Variants in RCAN2 observed in about 807,000 individuals in gnomAD.
RCAN2 encodes the protein calcipressin-2.
In RCAN2, 9 loss-of-function variants were observed where a neutral mutation model predicts 23.6. That is an observed-to-expected ratio of 0.38 (90% confidence interval 0.23 to 0.67). The LOEUF is 0.67. Among genes scored for constraint, RCAN2 ranks in the 30% least tolerant of loss-of-function variants. The pLI, the probability that RCAN2 is intolerant of heterozygous loss-of-function variation, is 0.51. For synonymous variants in RCAN2, 109 were observed against 115.7 expected, an observed-to-expected ratio of 0.94 and a Z score of 0.37; for missense variants, 273 against 302.3, an observed-to-expected ratio of 0.90 and a Z score of 0.72.
rs369428602 is a variant in RCAN2 at position 46,489,058 on chromosome 6, A to C, written c.-3+2115T>G. Among the ~76,000 whole-genome samples, 44 of 152,350 alleles carry C rather than the reference A, an allele frequency of 2.9e-4. No individual in the cohort carries two copies. In the East Asian group the frequency reaches 6.6e-3, roughly 23 times the overall value. On this transcript the variant is annotated intron_variant, in intron 1 of 4. Transcript: ENST00000371374. ...CAGGGTATATTCACAATCCAGCTTC[A>C]GTGAAACCTTTCTAAACATTCCTGT...
At chr6:46,431,197 A>AT (rs202167268) in intron 2 of RCAN2, among the ~76,000 whole-genome samples, 2 of 149,426 alleles carry the variant, frequency 1.3e-5, no homozygotes, top group Non-Finnish European at 3.0e-5. Context: ...GAAGATTTGT[A>AT]TTTTTAAAAA....
At chr6:46,375,377 C>T (rs1323837272) in intron 2 of RCAN2, among the ~76,000 whole-genome samples, 1 of 152,202 alleles carries the variant, frequency 6.6e-6, no homozygotes, top group African/African-American at 2.4e-5. Context: ...AAATCCTACC[C>T]TCTTGCAGCA....
At chr6:46,352,934 G>A (rs896679668) in intron 2 of RCAN2, among the ~76,000 whole-genome samples, 2 of 152,156 alleles carry the variant, frequency 1.3e-5, no homozygotes, top group Non-Finnish European at 2.9e-5. Context: ...AGACAAGGAG[G>A]ATTTAACAAG....
chr6:46,401,448 C>A (rs1766245776), intron 2 of RCAN2, among the ~76,000 whole-genome samples: 1 of 152,084 alleles, frequency 6.6e-6, no homozygotes, highest in Admixed American at 6.5e-5. Context: ...ATAAATCCAT[C>A]CATCTTCAGA....
intron 2 of RCAN2, among the ~76,000 whole-genome samples, chr6:46,279,208 G>A (rs1265513511): frequency 6.6e-6 from 1 of 152,202 alleles, no homozygotes; most frequent in East Asian, 1.9e-4. Flanking sequence ...TTGCCAGCAA[G>A]AAGAGCTGTT....
chr6:46,451,253 T>C (rs981451557), intron 2 of RCAN2, among the ~76,000 whole-genome samples: 2 of 152,140 alleles, frequency 1.3e-5, no homozygotes, highest in African/African-American at 4.8e-5. Flanking sequence ...AGTGATATGT[T>C]TGGCATTCTG....
At chr6:46,243,546 C>T (rs1166052036) in intron 4 of RCAN2, among the ~76,000 whole-genome samples, 3 of 152,076 alleles carry the variant, frequency 2.0e-5, no homozygotes, top group Non-Finnish European at 4.4e-5. Context: ...CGCGGTGGCT[C>T]ATGTCTGGAA....
chr6:46,277,589 C>CT (rs5875956), intron 2 of RCAN2, among the ~76,000 whole-genome samples: 107,545 of 148,678 alleles, frequency 0.72, 39,673 homozygotes, highest in Non-Finnish European at 0.82. Context: ...CTTTTTAAAA[C>CT]TTTTTTTTTT....
Position 46,232,854 on chromosome 6 carries a change from A to G in RCAN2, c.572-9553T>C, listed in dbSNP as rs145332644. On this transcript the variant is annotated intron_variant, in intron 4 of 4. Coordinates refer to ENST00000371374, the MANE Select transcript of RCAN2 (RefSeq NM_001251974.2). ...GAAGCAAACCTGCAAATTCCGATTT[A>G]GTAGAATCTACATGTGTACCCATCA... 8.8e-3 allele frequency among the ~76,000 whole-genome samples: 1,320 copies of G among 150,110 alleles called. 6 individuals carry two copies. Among genetic ancestry groups the G allele is most frequent in the Non-Finnish European group, 0.014 (925 of 67,656 alleles).
intron 2 of RCAN2, among the ~76,000 whole-genome samples, chr6:46,386,365 A>T (rs1018573222): frequency 6.6e-6 from 1 of 151,924 alleles, no homozygotes; most frequent in Admixed American, 6.6e-5. Context: ...CTGAGAGGCC[A>T]AGGCGAGTGA....
intron 2 of RCAN2, among the ~76,000 whole-genome samples, chr6:46,333,329 CT>C (rs1764043644): frequency 6.6e-6 from 1 of 152,212 alleles, no homozygotes; most frequent in South Asian, 2.1e-4. Flanking sequence ...AAATGTGATG[CT>C]GGCGATCACA....
At chr6:46,325,492 A>G in intron 2 of RCAN2, 3 of 1,613,686 alleles carry the variant, frequency 1.9e-6, no homozygotes, top group Non-Finnish European at 2.5e-6. Flanking sequence ...CCCCTTCTGA[A>G]TTTTTAATAA....
In RCAN2 at chr6:46,222,167, T is replaced by C. The variant is rs1321639462; in HGVS notation, c.*974A>G. 2.5e-6 allele frequency: 1 copy of C among 394,324 alleles called. No individual in the cohort carries two copies. The highest frequency in any genetic ancestry group is 4.5e-6 in the Non-Finnish European group (1 of 223,634). 24.4% of individuals were successfully genotyped at this position (394,324 alleles called of 1,614,324 possible). Reference sequence around the variant, plus strand: ...AAATTCAGCATTATCCTTATTAGAGTGTAATATTATCAGAGTATCTGTATT... The same window carrying C: ...AAATTCAGCATTATCCTTATTAGAGCGTAATATTATCAGAGTATCTGTATT... On this transcript the variant is annotated 3_prime_UTR_variant, in exon 5 of 5. Transcript: ENST00000371374.
chr6:46,443,031 AC>A (rs1383695410), intron 2 of RCAN2, among the ~76,000 whole-genome samples: 2 of 152,358 alleles, frequency 1.3e-5, no homozygotes, highest in Admixed American at 1.3e-4. Context: ...GGGAAAAAAA[AC>A]AAAACAAAAC....
At chr6:46,405,020 C>T (rs1008154692) in intron 2 of RCAN2, among the ~76,000 whole-genome samples, 4 of 152,192 alleles carry the variant, frequency 2.6e-5, no homozygotes, top group African/African-American at 9.7e-5. Context: ...TATCTTATAA[C>T]GGGTTGGGGA....
chr6:46,261,434 G>C (rs1767104304), intron 2 of RCAN2, among the ~76,000 whole-genome samples: 1 of 152,132 alleles, frequency 6.6e-6, no homozygotes, highest in Non-Finnish European at 1.5e-5. Context: ...TATCCTGGCT[G>C]TTAAGTAAAT....
chr6:46,469,254 T>A (rs191210279), intron 1 of RCAN2, among the ~76,000 whole-genome samples: 38 of 152,340 alleles, frequency 2.5e-4, no homozygotes, highest in Admixed American at 2.5e-3. Flanking sequence ...CAATTCAAGA[T>A]GATCCGTAAT....
In RCAN2 at chr6:46,402,875, G is replaced by T. The variant is rs571092790; in HGVS notation, c.225+53877C>A. On this transcript the variant is annotated intron_variant, in intron 2 of 4. Coordinates refer to ENST00000371374, the MANE Select transcript of RCAN2 (RefSeq NM_001251974.2). ...GTATGCCTTTCTCTCCAATTAATCT[G>T]CCCTTTCTGAGGTGATACTTCAGCA... Among the ~76,000 whole-genome samples, 152 of 152,144 alleles carry T rather than the reference G, an allele frequency of 1.0e-3. 1 individual carries two copies. Among genetic ancestry groups the T allele is most frequent in the African/African-American group, 3.3e-3 (136 of 41,512 alleles).
At position 46,396,919 on chromosome 6, in the gene RCAN2, T is replaced by A. The variant is rs142444068; in HGVS notation, c.225+59833A>T. ...CTGAGGTCGGAGTTCGAGACCAGCC[T>A]GACCAATATGGTGAAACCCTGTCTC... On this transcript the variant is annotated intron_variant, in intron 2 of 4. Transcript: ENST00000371374. Among the ~76,000 whole-genome samples the A allele has an allele frequency of 5.0e-3, 759 of 152,176 alleles. 6 individuals are homozygous for A. The highest frequency in any genetic ancestry group is 0.022 in the South Asian group (106 of 4,810).
Sources: gnomAD v4.1 joint callset for allele counts (sites outside exome capture counted in the v4.1 genomes callset) on GRCh38, gnomAD v4.1.1 for gene constraint, MANE v1.5 for transcripts, NCBI Gene and HGNC (gene_info 2026-07-23, HGNC 2026-07-21) for gene names.